Variants in ACYP2 observed in about 807,000 individuals in gnomAD.
The protein encoded by ACYP2 is acylphosphatase-2.
Under a neutral mutation model 11.2 loss-of-function variants are expected in ACYP2, and 12 were observed. The ratio of observed to expected loss-of-function variants is 1.08; its 90% CI spans 0.69 to 1.74. The LOEUF (loss-of-function observed/expected upper bound fraction) is 1.74. Ranked by LOEUF, ACYP2 falls within the 40% of genes most tolerant of loss-of-function variation. The probability of loss-of-function intolerance (pLI) is 0.00; values close to 1 mark genes in which losing one functional copy is unlikely to be tolerated. For synonymous variants in ACYP2, 43 were observed against 32.2 expected (o/e 1.33, Z -1.13); for missense variants, 134 against 101.9 (o/e 1.31, Z -1.35).
intron 6 of ACYP2, among the ~76,000 whole-genome samples, chr2:54,170,376 C>T (rs1018688792): frequency 6.6e-6 from 1 of 152,118 alleles, no homozygotes; most frequent in African/African-American, 2.4e-5. Context: ...TGGTCTCGAA[C>T]TCACAGCCTC....
chr2:54,070,107 C>A (rs1043649518), intron 4 of ACYP2, among the ~76,000 whole-genome samples: 1 of 151,584 alleles, frequency 6.6e-6, no homozygotes, highest in Non-Finnish European at 1.5e-5. Context: ...CTCGTCTCTA[C>A]TAAAAATACA....
intron 4 of ACYP2, among the ~76,000 whole-genome samples, chr2:54,078,515 C>T (rs1429208606): frequency 6.6e-6 from 1 of 151,306 alleles, no homozygotes; most frequent in East Asian, 1.9e-4. Flanking sequence ...GCATCATCTC[C>T]TCTATTGTCA....
At chr2:54,109,398 G>A (rs929854490) in intron 4 of ACYP2, among the ~76,000 whole-genome samples, 1 of 152,070 alleles carries the variant, frequency 6.6e-6, no homozygotes, top group African/African-American at 2.4e-5. Context: ...AGTGGACTTT[G>A]GATACTCGGG....
At position 54,199,859 on chromosome 2, in the gene ACYP2, G is replaced by A. The variant is rs891978023; in HGVS notation, c.404+61111G>A. On this transcript the variant is annotated intron_variant, in intron 6 of 6. Coordinates refer to ENST00000607452, the MANE Select transcript of ACYP2 (RefSeq NM_001320586.2). ...TGTTCTGTCATGCGGGACCCACGCT[G>A]ATGGGTGCCTGGTGATCGTTGCAAT... 9.9e-5 allele frequency among the ~76,000 whole-genome samples: 15 copies of A among 152,224 alleles called. 1 individual carries two copies. The South Asian group carries it at 3.1e-3, about 31-fold the overall frequency.
chr2:54,088,388 G>A (rs1678050361), intron 4 of ACYP2, among the ~76,000 whole-genome samples: 1 of 152,154 alleles, frequency 6.6e-6, no homozygotes, highest in African/African-American at 2.4e-5. Context: ...CCCTCCTGCT[G>A]CAATGAAAGG....
chr2:54,012,170 A>C (rs1673409507), intron 2 of ACYP2, among the ~76,000 whole-genome samples: 1 of 151,070 alleles, frequency 6.6e-6, no homozygotes, highest in South Asian at 2.1e-4. Flanking sequence ...TGGGAAGTTG[A>C]GGTTGCAGTG....
Position 54,304,714 on chromosome 2 carries a change from G to T in ACYP2, c.431G>T (p.Ser144Ile). Residue 144 changes from serine to isoleucine, a missense_variant, in exon 7 of 7, where the codon AGC becomes ATC. Coordinates refer to ENST00000607452, the MANE Select transcript of ACYP2 (RefSeq NM_001320586.2). ...AAGTCCTGGCTGAGCAAGGTTGGAA[G>T]CCCTAGTTCTCGCATTGACCGCACA... 1.2e-6 allele frequency: 2 copies of T among 1,611,354 alleles called. No homozygotes were observed. The highest frequency in any genetic ancestry group is 1.1e-5 in the South Asian group (1 of 90,688).
rs118101016 is a variant in ACYP2, at chr2:54,197,768, G to T, written c.404+59020G>T. Among the ~76,000 whole-genome samples the T allele has an allele frequency of 6.9e-4, 105 of 152,320 alleles. 2 individuals are homozygous for T. The East Asian group carries it at 0.019, about 28-fold the overall frequency. ...TGGAAGGCTGAGAGGAAGGGGATGT[G>T]TGGTGGAGGATTTGGTCAAAAGACT... is the stretch of plus-strand genomic sequence containing the variant. On this transcript the variant is annotated intron_variant, in intron 6 of 6. Coordinates refer to ENST00000607452, the MANE Select transcript of ACYP2 (RefSeq NM_001320586.2).
At chr2:54,229,869 G>A (rs1007352334) in intron 6 of ACYP2, among the ~76,000 whole-genome samples, 2 of 152,092 alleles carry the variant, frequency 1.3e-5, no homozygotes, top group African/African-American at 4.8e-5. Flanking sequence ...AAAAATATTA[G>A]TCTGGCATTT....
intron 4 of ACYP2, among the ~76,000 whole-genome samples, chr2:54,082,178 TATCA>T (rs1426279804): frequency 6.6e-6 from 1 of 152,208 alleles, no homozygotes; most frequent in Non-Finnish European, 1.5e-5. Flanking sequence ...AATTTTGAAA[TATCA>T]ATCAGTTTTC....
Position 54,229,116 on chromosome 2 carries a change from C to T in ACYP2, c.405-75572C>T, listed in dbSNP as rs180743274. 1.1e-3 allele frequency among the ~76,000 whole-genome samples: 160 copies of T among 152,160 alleles called. 1 individual carries two copies. The highest frequency in any genetic ancestry group is 1.8e-3 in the Non-Finnish European group (124 of 67,996). On this transcript the variant is annotated intron_variant, in intron 6 of 6. Coordinates refer to ENST00000607452, the MANE Select transcript of ACYP2 (RefSeq NM_001320586.2). ...AGCCAGGTAGGCCATTACAAAATGGCCCAACTGGGTTAGAGTTCCAGGCAA... is the reference window on the plus strand; with the variant it reads ...AGCCAGGTAGGCCATTACAAAATGGTCCAACTGGGTTAGAGTTCCAGGCAA...
chr2:54,180,205 C>A (rs1683646892), intron 6 of ACYP2, among the ~76,000 whole-genome samples: 2 of 152,116 alleles, frequency 1.3e-5, no homozygotes. Flanking sequence ...AGGTGCTTAG[C>A]TATCTGGAAG....
At chr2:54,265,752 T>G (rs1002135469) in intron 6 of ACYP2, among the ~76,000 whole-genome samples, 1 of 152,226 alleles carries the variant, frequency 6.6e-6, no homozygotes, top group African/African-American at 2.4e-5. Flanking sequence ...CTAAATAACC[T>G]TGGGAAAGTT....
At chr2:54,044,511 C>A (rs549986599) in intron 2 of ACYP2, among the ~76,000 whole-genome samples, 10 of 151,702 alleles carry the variant, frequency 6.6e-5, no homozygotes, top group Admixed American at 2.0e-4. Flanking sequence ...CACCTGAGCC[C>A]GGGAGGTGGA....
chr2:54,266,675 G>A (rs1423604537), intron 6 of ACYP2, among the ~76,000 whole-genome samples: 6 of 131,266 alleles, frequency 4.6e-5, no homozygotes, highest in African/African-American at 1.5e-4. Context: ...GCGCGATCTC[G>A]GCTCACTGCA....
intron 2 of ACYP2, among the ~76,000 whole-genome samples, chr2:54,008,355 T>C (rs1242794624): frequency 6.6e-6 from 1 of 152,218 alleles, no homozygotes; most frequent in Non-Finnish European, 1.5e-5. Flanking sequence ...TTCAGAGCTA[T>C]ACTTCCTTTC....
At chr2:54,037,189 TAGAACCTCTGCCTCCC>T (rs558436887) in intron 2 of ACYP2, among the ~76,000 whole-genome samples, 134 of 152,272 alleles carry the variant, frequency 8.8e-4, no homozygotes, top group African/African-American at 2.9e-3. Flanking sequence ...CTTGGCTCAC[TAGAACCTCTGCCTCCC>T]AGGCTCAAGT....
chr2:54,274,949 T>C (rs1337770797), intron 6 of ACYP2, among the ~76,000 whole-genome samples: 1 of 152,198 alleles, frequency 6.6e-6, no homozygotes, highest in Non-Finnish European at 1.5e-5. Flanking sequence ...AACCAAAATA[T>C]GCAGTTCAAC....
intron 2 of ACYP2, among the ~76,000 whole-genome samples, chr2:53,995,405 A>C (rs897477508): frequency 5.9e-5 from 9 of 152,098 alleles, no homozygotes; most frequent in Admixed American, 1.3e-4. Context: ...TTTCTAGTGC[A>C]TGAAATAATT....
Sources: gnomAD v4.1 joint callset for allele counts (sites outside exome capture counted in the v4.1 genomes callset) on GRCh38, gnomAD v4.1.1 for gene constraint, MANE v1.5 for transcripts, NCBI Gene and HGNC (gene_info 2026-07-23, HGNC 2026-07-21) for gene names.